BEND7: variants seen among roughly 807,000 people sequenced by gnomAD.
BEND7 encodes BEN domain containing 7.
Under a neutral mutation model 50.9 loss-of-function variants are expected in BEND7, and 28 were observed. That is an observed-to-expected ratio of 0.55 (90% CI 0.41 to 0.75). The LOEUF (loss-of-function observed/expected upper bound fraction) is 0.75. Ranked by LOEUF, BEND7 falls within the 30% of genes least tolerant of loss-of-function variation. BEND7 has a pLI of 0.00. For missense variants in BEND7, 477 were observed against 491.3 expected, an observed-to-expected ratio of 0.97 and a Z score of 0.28; for synonymous variants, 170 against 183.9, an observed-to-expected ratio of 0.92 and a Z score of 0.61.
At chr10:13,450,455 G>T (rs1174269853) in intron 7 of BEND7, among the ~76,000 whole-genome samples, 1 of 152,112 alleles carries the variant, frequency 6.6e-6, no homozygotes, top group African/African-American at 2.4e-5. Flanking sequence ...CAATTTGCTG[G>T]GGCCCCACTT....
intron 4 of BEND7, 57 bp downstream of exon 4, chr10:13,496,709 A>G: frequency 1.3e-6 from 2 of 1,565,984 alleles, no homozygotes; most frequent in Non-Finnish European, 1.7e-6. Context: ...TTCCAACGGA[A>G]GATGTCAGAT....
intron 2 of BEND7, among the ~76,000 whole-genome samples, chr10:13,504,565 C>T (rs1459573266): frequency 6.6e-6 from 1 of 152,172 alleles, no homozygotes; most frequent in Non-Finnish European, 1.5e-5. Context: ...CTGACTTCTA[C>T]TGGTATTTCC....
chr10:13,439,283 G>A, downstream of BEND7: 1 of 1,614,228 alleles, frequency 6.2e-7, no homozygotes, highest in Non-Finnish European at 8.5e-7. Flanking sequence ...GAGTTATGAG[G>A]AATGAATGGT....
intron 5 of BEND7, among the ~76,000 whole-genome samples, chr10:13,485,141 G>C (rs1021270669): frequency 6.6e-6 from 1 of 151,950 alleles, no homozygotes; most frequent in Non-Finnish European, 1.5e-5. Context: ...AGCACATCAC[G>C]TGACTCCCCT....
chr10:13,476,661 C>T (rs141275280), intron 6 of BEND7, among the ~76,000 whole-genome samples: 8 of 152,202 alleles, frequency 5.3e-5, no homozygotes, highest in African/African-American at 9.6e-5. Context: ...CATGGTCTAC[C>T]GAGTATATCA....
In BEND7 at chr10:13,500,028, C is replaced by T; in HGVS notation, c.198G>A (p.Leu66=). ...GATAGATCCGCCCAGTGCTGTCGTT[C>T]AGCAATCTTCTCATCCCTGTAATTT... ...KKQITGMRRL[L]NDSTGRIYQR... The change falls in exon 3 of 9, where the codon CTG becomes CTA. Residue 66 remains leucine, a synonymous_variant. Transcript: ENST00000466271. The T allele has an allele frequency of 6.2e-7, 1 of 1,612,650 alleles. No individual in the cohort carries two copies. The highest frequency in any genetic ancestry group is 2.2e-5 in the East Asian group (1 of 44,834).
intron 5 of BEND7, among the ~76,000 whole-genome samples, chr10:13,482,075 A>C (rs1489327176): frequency 6.6e-6 from 1 of 152,178 alleles, no homozygotes; most frequent in East Asian, 1.9e-4. Flanking sequence ...CCTGCTGTTC[A>C]TTTAGCAGAC....
In BEND7 at chr10:13,476,279, TA is replaced by T. The variant is rs2075428107; in HGVS notation, c.1063+4619del. Reference sequence around the variant, plus strand: ...ATTCTAATCTTGTAAGAAGCGCAGTTATTTTTTTGGAGGGCTACCAAACAAG... The same window carrying T: ...ATTCTAATCTTGTAAGAAGCGCAGTTTTTTTTTGGAGGGCTACCAAACAAG... On this transcript the variant is annotated intron_variant, in intron 6 of 8. Transcript: ENST00000466271. 2.6e-5 allele frequency among the ~76,000 whole-genome samples: 4 copies of T among 152,262 alleles called. No individual in the cohort carries two copies. In the South Asian group the frequency reaches 8.3e-4, roughly 32 times the overall value.
At chr10:13,487,890 C>T (rs1031571495) in intron 5 of BEND7, among the ~76,000 whole-genome samples, 40 of 151,742 alleles carry the variant, frequency 2.6e-4, no homozygotes, top group Non-Finnish European at 1.9e-4. Flanking sequence ...GCCAGGAGAT[C>T]GATACCAGCC....
rs913803398 is a variant in BEND7, at chr10:13,497,139, G to GCA, written c.449-253_449-252dup. ...TGTGGCGCGGTGCGGGAGCCCGCAT[G>GCA]CACACACACACACAATGAGTGGGCA... On this transcript the variant is annotated intron_variant, in intron 3 of 8. Coordinates refer to ENST00000466271, the MANE Select transcript of BEND7 (RefSeq NM_001369863.1). Among the ~76,000 whole-genome samples the GCA allele has an allele frequency of 5.9e-5, 9 of 151,588 alleles. 1 individual carries two copies. The highest frequency in any genetic ancestry group is 3.4e-3 in the Middle Eastern group (1 of 292).
chr10:13,525,240 C>T (rs1461769534), intron 2 of BEND7, among the ~76,000 whole-genome samples: 1 of 152,200 alleles, frequency 6.6e-6, no homozygotes. Flanking sequence ...GGGTACTTCA[C>T]TCTTAGAGGC....
chr10:13,460,707 A>G (rs78788797), intron 6 of BEND7, among the ~76,000 whole-genome samples: 1 of 152,180 alleles, frequency 6.6e-6, no homozygotes, highest in African/African-American at 2.4e-5. Flanking sequence ...GATGTGATCT[A>G]TTTCAGCATA....
At chr10:13,474,741 A>G (rs1488534673) in intron 6 of BEND7, among the ~76,000 whole-genome samples, 1 of 151,372 alleles carries the variant, frequency 6.6e-6, no homozygotes, top group African/African-American at 2.4e-5. Context: ...GTCGATACCC[A>G]TCATCGCTGT....
At chr10:13,519,583 C>T (rs1047006005) in intron 2 of BEND7, among the ~76,000 whole-genome samples, 2 of 152,072 alleles carry the variant, frequency 1.3e-5, no homozygotes, top group Non-Finnish European at 2.9e-5. Context: ...TTTGAAAAAG[C>T]GTTTTACCAT....
intron 5 of BEND7, among the ~76,000 whole-genome samples, chr10:13,489,125 A>G (rs73588749): frequency 0.022 from 3,300 of 152,242 alleles, 113 homozygotes; most frequent in African/African-American, 0.073. Flanking sequence ...AATTCCTCCA[A>G]TGGGCCAATC....
At chr10:13,521,464 G>A (rs990826811) in intron 2 of BEND7, among the ~76,000 whole-genome samples, 2 of 152,186 alleles carry the variant, frequency 1.3e-5, no homozygotes, top group African/African-American at 4.8e-5. Flanking sequence ...CTAACCCCAA[G>A]AGACACTCCT....
intron 6 of BEND7, among the ~76,000 whole-genome samples, chr10:13,458,735 G>A (rs879715284): frequency 3.3e-5 from 5 of 152,192 alleles, no homozygotes; most frequent in Admixed American, 3.3e-4. Context: ...AGGTCCCAGG[G>A]GACAAGCAGA....
intron 5 of BEND7, among the ~76,000 whole-genome samples, chr10:13,488,776 C>T (rs868345171): frequency 2.5e-4 from 38 of 152,270 alleles, no homozygotes; most frequent in South Asian, 6.2e-4. Flanking sequence ...CGTGAGCCAC[C>T]GCGCCCGGCC....
intron 2 of BEND7, among the ~76,000 whole-genome samples, chr10:13,503,186 G>A (rs531545251): frequency 1.3e-4 from 20 of 152,316 alleles, no homozygotes; most frequent in African/African-American, 4.8e-4. Flanking sequence ...CAATGAGGGA[G>A]GAAGGTGGCA....
Sources: gnomAD v4.1 joint callset for allele counts (sites outside exome capture counted in the v4.1 genomes callset) on GRCh38, gnomAD v4.1.1 for gene constraint, MANE v1.5 for transcripts, NCBI Gene and HGNC (gene_info 2026-07-23, HGNC 2026-07-21) for gene names.